The following LIMCH1 variants were observed in gnomAD, a reference collection of about 807,000 sequenced individuals.
LIMCH1 encodes LIM and calponin homology domains-containing protein 1.
A neutral mutation model predicts 176.5 loss-of-function variants in LIMCH1; 113 were observed. The ratio of observed to expected loss-of-function variants is 0.64; its 90% CI spans 0.55 to 0.75. LIMCH1 has a LOEUF of 0.75. LIMCH1 is among the 30% of genes least tolerant of loss of function. LIMCH1 has a pLI of 0.00. For synonymous variants in LIMCH1, 619 were observed against 645.9 expected (o/e 0.96, Z 0.63); for missense variants, 1,674 against 1,814.9 (o/e 0.92, Z 1.41).
At chr4:41,687,458 G>A (rs1585977219) in intron 28 of LIMCH1, among the ~76,000 whole-genome samples, 2 of 151,788 alleles carry the variant, frequency 1.3e-5, no homozygotes, top group Admixed American at 1.3e-4. Flanking sequence ...CCCCTTCCAC[G>A]GAGTCCATCG....
intron 1 of LIMCH1, among the ~76,000 whole-genome samples, chr4:41,596,379 C>G (rs2088819629): frequency 6.6e-6 from 1 of 151,886 alleles, no homozygotes; most frequent in Non-Finnish European, 1.5e-5. Context: ...AAAGACAAGT[C>G]TGGAAGCAAG....
At chr4:41,691,592 C>CA (rs796984431) in intron 30 of LIMCH1, among the ~76,000 whole-genome samples, 12,088 of 62,470 alleles carry the variant, frequency 0.19, 705 homozygotes, top group South Asian at 0.26. Context: ...ACTAAAAATA[C>CA]AAAAAAAAAA....
At chr4:41,595,610 T>C (rs2088606005) in intron 1 of LIMCH1, among the ~76,000 whole-genome samples, 1 of 152,210 alleles carries the variant, frequency 6.6e-6, no homozygotes, top group South Asian at 2.1e-4. Context: ...GGTAGCTAGA[T>C]GGCAAATGCT....
At chr4:41,408,015 A>G (rs1236221558) in intron 1 of LIMCH1, among the ~76,000 whole-genome samples, 1 of 152,210 alleles carries the variant, frequency 6.6e-6, no homozygotes, top group African/African-American at 2.4e-5. Context: ...ATAGTTCCAT[A>G]TAGAATATGA....
chr4:41,429,997 A>G (rs572953423), intron 1 of LIMCH1, among the ~76,000 whole-genome samples: 5 of 152,332 alleles, frequency 3.3e-5, no homozygotes, highest in South Asian at 2.1e-4. Flanking sequence ...CTAACTTCAC[A>G]TGGATGGGCA....
At chr4:41,647,663 C>G (rs1304968920) in intron 17 of LIMCH1, among the ~76,000 whole-genome samples, 4 of 152,176 alleles carry the variant, frequency 2.6e-5, no homozygotes, top group Admixed American at 2.6e-4. Flanking sequence ...TTGTAATAAA[C>G]AGAGGTGGAA....
chr4:41,536,626 T>G (rs1583663205), upstream of LIMCH1, among the ~76,000 whole-genome samples: 1 of 152,302 alleles, frequency 6.6e-6, no homozygotes, highest in Middle Eastern at 3.4e-3. Context: ...AATGGTACTT[T>G]TTCCTCACAA....
chr4:41,370,111 G>C (rs549792989), intron 1 of LIMCH1, among the ~76,000 whole-genome samples: 1 of 152,258 alleles, frequency 6.6e-6, no homozygotes, highest in African/African-American at 2.4e-5. Flanking sequence ...GTCAGGGCTC[G>C]TTGGAGTTCC....
At chr4:41,638,668 T>G (rs1490750983) in intron 13 of LIMCH1, among the ~76,000 whole-genome samples, 4 of 152,092 alleles carry the variant, frequency 2.6e-5, no homozygotes, top group African/African-American at 9.7e-5. Flanking sequence ...AACAGATTCT[T>G]TCTTTTTGGG....
intron 1 of LIMCH1, among the ~76,000 whole-genome samples, chr4:41,373,899 G>A (rs2054338773): frequency 6.6e-6 from 1 of 152,030 alleles, no homozygotes; most frequent in Admixed American, 6.5e-5. Context: ...GAGCTCTCAC[G>A]GGATCTGGTT....
At chr4:41,442,534 T>C (rs1236762821) in intron 1 of LIMCH1, among the ~76,000 whole-genome samples, 2 of 152,214 alleles carry the variant, frequency 1.3e-5, no homozygotes, top group Non-Finnish European at 1.5e-5. Context: ...ACCAACTAGT[T>C]AACCAACTAG....
At chr4:41,509,961 C>T (rs2074665360) in intron 2 of LIMCH1, among the ~76,000 whole-genome samples, 1 of 152,226 alleles carries the variant, frequency 6.6e-6, no homozygotes, top group African/African-American at 2.4e-5. Context: ...TTCTCAAGCT[C>T]ATCCATCTTT....
chr4:41,656,211 C>T (rs112547111), intron 18 of LIMCH1, among the ~76,000 whole-genome samples: 2,112 of 152,288 alleles, frequency 0.014, 32 homozygotes, highest in African/African-American at 0.036. Context: ...AACAGACAAT[C>T]GGATCTTTCT....
At chr4:41,679,207 T>G (rs1368417678) in intron 23 of LIMCH1, among the ~76,000 whole-genome samples, 4 of 152,230 alleles carry the variant, frequency 2.6e-5, no homozygotes, top group Non-Finnish European at 5.9e-5. Context: ...ATGGTTCCTT[T>G]GTCTCTGTCA....
intron 21 of LIMCH1, chr4:41,670,798 C>G (rs542501847): frequency 6.5e-7 from 1 of 1,535,864 alleles, no homozygotes; most frequent in East Asian, 2.4e-5. Flanking sequence ...GTCAGGTAAA[C>G]TGCATACTGG....
chr4:41,561,424 A>G (rs1202368807), intron 1 of LIMCH1, among the ~76,000 whole-genome samples: 1 of 152,162 alleles, frequency 6.6e-6, no homozygotes, highest in African/African-American at 2.4e-5. Flanking sequence ...ATGATGATGA[A>G]CATTTTAAAG....
rs367558289 is a variant in LIMCH1 at position 41,460,312 on chromosome 4, G to A, written c.97-34224G>A. On this transcript the variant is annotated intron_variant, in intron 1 of 26. Transcript: ENST00000313860. ...ACTAGTGGCTACCATATTGCATAGCGCAGATGTAGAATATTTTGATCGTTG... is the reference window on the plus strand; with the variant it reads ...ACTAGTGGCTACCATATTGCATAGCACAGATGTAGAATATTTTGATCGTTG... Among the ~76,000 whole-genome samples, 107 of 151,840 alleles carry A rather than the reference G, an allele frequency of 7.0e-4. No individual in the cohort carries two copies. The South Asian group carries it at 0.011, about 16-fold the overall frequency.
chr4:41,387,825 T>C (rs1286966242), intron 1 of LIMCH1, among the ~76,000 whole-genome samples: 2 of 152,226 alleles, frequency 1.3e-5, no homozygotes, highest in African/African-American at 4.8e-5. Flanking sequence ...AAAATTTAAC[T>C]TAGCCGGGCA....
intron 21 of LIMCH1, among the ~76,000 whole-genome samples, chr4:41,669,547 TA>T (rs1290714739): frequency 6.6e-6 from 1 of 152,194 alleles, no homozygotes; most frequent in Non-Finnish European, 1.5e-5. Flanking sequence ...TTGCATTTCT[TA>T]CAGGTTCCCA....
Sources: allele counts gnomAD v4.1 joint callset (sites outside exome capture counted in the v4.1 genomes callset), GRCh38; gene constraint gnomAD v4.1.1; transcripts MANE v1.5; gene names NCBI Gene and HGNC (gene_info 2026-07-23, HGNC 2026-07-21).